The following ANKUB1 variants were observed in gnomAD, a reference collection of about 807,000 sequenced individuals.
ANKUB1 encodes ankyrin repeat and ubiquitin domain containing 1.
In ANKUB1, 42 loss-of-function variants were observed where a neutral mutation model predicts 49.3. The observed-to-expected ratio is 0.85, with a 90% CI of 0.67 to 1.10. The LOEUF is 1.10. Ranked by LOEUF, ANKUB1 falls within the 50% of genes least tolerant of loss-of-function variation. The pLI, the probability that ANKUB1 is intolerant of heterozygous loss-of-function variation, is 0.00. For missense variants in ANKUB1, 613 were observed against 642.0 expected (o/e 0.95, Z 0.49); for synonymous variants, 222 against 231.0 (o/e 0.96, Z 0.35).
chr3:149,770,742 T>C, intron 3 of ANKUB1, 68 bp from the exon 4 acceptor site: 1 of 923,328 alleles, frequency 1.1e-6, no homozygotes. Context: ...ATAAAACTTC[T>C]AATGGTAGCT....
At chr3:149,764,397 G>A (rs913391311) in intron 5 of ANKUB1, among the ~76,000 whole-genome samples, 7 of 152,252 alleles carry the variant, frequency 4.6e-5, no homozygotes, top group Non-Finnish European at 8.8e-5. Context: ...AGAAATGGAT[G>A]GGAAGTGGAG....
chr3:149,770,758 C>A, intron 3 of ANKUB1, 84 bp from the exon 4 acceptor site: 2 of 772,066 alleles, frequency 2.6e-6, no homozygotes, highest in South Asian at 1.9e-5. Context: ...TAGCTTTCCC[C>A]AAACAGAGGC....
At chr3:149,769,561 A>G in intron 4 of ANKUB1, among the ~76,000 whole-genome samples, 1 of 152,246 alleles carries the variant, frequency 6.6e-6, no homozygotes, top group East Asian at 1.9e-4. Flanking sequence ...AATGCATTTA[A>G]TACACCTAAT....
chr3:149,773,090 T>C (rs1329740545), intron 3 of ANKUB1, among the ~76,000 whole-genome samples: 1 of 152,212 alleles, frequency 6.6e-6, no homozygotes, highest in Non-Finnish European at 1.5e-5. Flanking sequence ...AATGTGTCTT[T>C]AGGATTCTTT....
chr3:149,776,844 G>A (rs1717617441), intron 3 of ANKUB1, among the ~76,000 whole-genome samples: 1 of 151,942 alleles, frequency 6.6e-6, no homozygotes, highest in Non-Finnish European at 1.5e-5. Flanking sequence ...AGGCATGGTG[G>A]GATGCACCTG....
chr3:149,768,865 C>T (rs1287899424), intron 4 of ANKUB1, among the ~76,000 whole-genome samples: 1 of 152,136 alleles, frequency 6.6e-6, no homozygotes, highest in African/African-American at 2.4e-5. Context: ...GTTTTCTGAT[C>T]TTAGTTTCCT....
rs34140953 is a variant in ANKUB1, at chr3:149,780,456, C to T, written c.235-1G>A. The T allele has an allele frequency of 1.9e-6, 3 of 1,549,742 alleles. No homozygotes were observed. Among genetic ancestry groups the T allele is most frequent in the Non-Finnish European group, 2.6e-6 (3 of 1,145,000 alleles). ...CGTATAGAGTAGGCTTGTCTTCTTC[C>T]TAAAGGGAAAGAAAAGGAGGGAACT... On this transcript the variant is annotated splice_acceptor_variant, in intron 2 of 5. Transcript: ENST00000446160. LOFTEE classifies it high-confidence loss of function.
chr3:149,766,184 C>T (rs1028214093), intron 5 of ANKUB1, among the ~76,000 whole-genome samples: 1 of 152,176 alleles, frequency 6.6e-6, no homozygotes, highest in Non-Finnish European at 1.5e-5. Context: ...GATACACTTT[C>T]TTATCTCTTT....
At chr3:149,774,387 G>C (rs1717498102) in intron 3 of ANKUB1, among the ~76,000 whole-genome samples, 1 of 152,172 alleles carries the variant, frequency 6.6e-6, no homozygotes, top group Admixed American at 6.5e-5. Context: ...CTTACCGACT[G>C]ACAGCTGCAG....
intron 5 of ANKUB1, among the ~76,000 whole-genome samples, chr3:149,766,147 A>G (rs1717004226): frequency 6.6e-6 from 1 of 152,222 alleles, no homozygotes; most frequent in Admixed American, 6.5e-5. Context: ...CTAATCAGAG[A>G]GTTGTGTACC....
intron 3 of ANKUB1, among the ~76,000 whole-genome samples, chr3:149,771,238 C>T (rs1031951658): frequency 1.4e-4 from 22 of 152,328 alleles, no homozygotes; most frequent in Non-Finnish European, 2.9e-4. Context: ...TTCCTTTTAT[C>T]CTTCAGGCTG....
At chr3:149,768,395 G>A (rs1717165814) in intron 4 of ANKUB1, among the ~76,000 whole-genome samples, 2 of 151,518 alleles carry the variant, frequency 1.3e-5, no homozygotes, top group South Asian at 4.2e-4. Context: ...TTTTAAGTCT[G>A]ATCATGTACA....
Position 149,790,848 on chromosome 3 carries a change from A to G in ANKUB1, c.167T>C (p.Leu56Pro), listed in dbSNP as rs1249223405. 1 of 1,552,228 alleles carries G rather than the reference A, an allele frequency of 6.4e-7. No homozygotes were observed. Among genetic ancestry groups the G allele is most frequent in the Non-Finnish European group, 8.7e-7 (1 of 1,147,056 alleles). Residue 56 changes from leucine (L) to proline (P), a missense_variant, in exon 2 of 6, where the codon CTA (leucine) becomes CCA (proline). Transcript: ENST00000446160. ...YLELMYAGAALKDSWSLADVG... is the reference protein window; with the variant it reads ...YLELMYAGAAPKDSWSLADVG... ...ATCAGCAAGACTCCAACTGTCCTTT[A>G]GAGCAGCTCCAGCATACATTAACTC...
intron 3 of ANKUB1, among the ~76,000 whole-genome samples, chr3:149,776,976 CA>C (rs11322234): frequency 0.51 from 74,886 of 146,786 alleles, 20,244 homozygotes; most frequent in African/African-American, 0.74. Context: ...GACCCTGTCT[CA>C]AAAAAAAAAA....
rs773137328 is a variant in ANKUB1, at chr3:149,792,267, A to T, written c.90+10T>A. On this transcript the variant is annotated intron_variant, in intron 1 of 5. Coordinates refer to ENST00000446160, the MANE Select transcript of ANKUB1 (RefSeq NM_001144960.3). Reference sequence around the variant, plus strand: ...TATACATTTTGGTGGTTTGGGAACGAAGTACATACCTTTATCATCAGCTTG... The same window carrying T: ...TATACATTTTGGTGGTTTGGGAACGTAGTACATACCTTTATCATCAGCTTG... The T allele has an allele frequency of 4.8e-6, 7 of 1,471,006 alleles. No homozygotes were observed. In the Admixed American group the frequency reaches 1.3e-4, roughly 27 times the overall value. The allele number at this position is 1,471,006 out of a possible 1,614,324, so 91.1% of individuals were successfully genotyped here. A position where few individuals can be genotyped will look rare whatever the true frequency, so the allele number is the denominator to read the frequency against.
At chr3:149,784,376 A>G (rs1717999725) in intron 2 of ANKUB1, among the ~76,000 whole-genome samples, 1 of 152,134 alleles carries the variant, frequency 6.6e-6, no homozygotes, top group African/African-American at 2.4e-5. Context: ...GGTGCTCCCA[A>G]TCAGACCTAC....
chr3:149,786,287 G>A (rs1483030102), intron 2 of ANKUB1, among the ~76,000 whole-genome samples: 2 of 152,112 alleles, frequency 1.3e-5, no homozygotes, highest in South Asian at 2.1e-4. Context: ...TACCCACCTC[G>A]ACCTCCCAAA....
chr3:149,783,569 G>A (rs1024772261), intron 2 of ANKUB1: 1 of 152,156 alleles, frequency 6.6e-6, no homozygotes, highest in African/African-American at 2.4e-5. Flanking sequence ...GAAAGGAAAA[G>A]CTAAACAGAA....
In ANKUB1 at chr3:149,780,349, G is replaced by T. The variant is rs751746279; in HGVS notation, c.341C>A (p.Thr114Lys). 3.9e-6 allele frequency: 6 copies of T among 1,551,956 alleles called. No individual in the cohort carries two copies. In the Middle Eastern group the frequency reaches 8.3e-4, roughly 216 times the overall value. Residue 114 changes from threonine (T) to lysine (K), a missense_variant, in exon 3 of 6, where the codon ACA (threonine) becomes AAA (lysine). Thr to Lys is a moderately conservative substitution (Grantham distance 78). Coordinates refer to ENST00000446160, the MANE Select transcript of ANKUB1 (RefSeq NM_001144960.3). ...LLDKTVSDLR[T>K]LVTLRCGLPV... ...GAGGCCACATCTCAGAGTTACCAGT[G>T]TTCTCAGATCAGACACTGTTTTATC...
Sources: allele counts gnomAD v4.1 joint callset (sites outside exome capture counted in the v4.1 genomes callset), GRCh38; gene constraint gnomAD v4.1.1; transcripts MANE v1.5; gene names NCBI Gene and HGNC (gene_info 2026-07-23, HGNC 2026-07-21).